The following BBS9 variants were observed in gnomAD, a reference collection of about 807,000 sequenced individuals.
BBS9 encodes Bardet-Biedl syndrome 9, also known as protein PTHB1.
BBS9 carries 89 observed loss-of-function variants against 117.7 expected under a neutral mutation model. That is an observed-to-expected ratio of 0.76 (90% CI 0.64 to 0.90). BBS9 has a LOEUF of 0.90. Among genes scored for constraint, BBS9 ranks in the 40% least tolerant of loss-of-function variants. The pLI, the probability that BBS9 is intolerant of heterozygous loss-of-function variation, is 0.00. For synonymous variants in BBS9, 379 were observed against 370.9 expected (o/e 1.02, Z -0.25); for missense variants, 982 against 1,042.2 (o/e 0.94, Z 0.80).
At chr7:33,626,396 A>G (rs1377839992) in intron 21 of BBS9, among the ~76,000 whole-genome samples, 1 of 152,234 alleles carries the variant, frequency 6.6e-6, no homozygotes, top group Non-Finnish European at 1.5e-5. Context: ...GGTACCAGGA[A>G]TGGGGCATTG....
intron 20 of BBS9, among the ~76,000 whole-genome samples, chr7:33,532,643 C>T (rs1028207711): frequency 1.3e-5 from 2 of 152,134 alleles, no homozygotes; most frequent in African/African-American, 2.4e-5. Flanking sequence ...GGGTCCCTCC[C>T]ATGACACGTG....
At chr7:33,515,639 C>T (rs1157195998) in intron 20 of BBS9, among the ~76,000 whole-genome samples, 2 of 152,208 alleles carry the variant, frequency 1.3e-5, no homozygotes, top group Non-Finnish European at 2.9e-5. Flanking sequence ...CTACATGATA[C>T]ATTAATTAAT....
At chr7:33,400,089 A>G (rs1393625109) in intron 19 of BBS9, among the ~76,000 whole-genome samples, 1 of 152,120 alleles carries the variant, frequency 6.6e-6, no homozygotes, top group African/African-American at 2.4e-5. Flanking sequence ...GCTGTATTGT[A>G]AATTTAATAT....
intron 19 of BBS9, among the ~76,000 whole-genome samples, chr7:33,438,003 T>C (rs1202363551): frequency 6.6e-6 from 1 of 152,180 alleles, no homozygotes; most frequent in Non-Finnish European, 1.5e-5. Context: ...ACACATAGGC[T>C]CTCTTTCGTA....
At chr7:33,586,495 C>T (rs1860915628) in intron 21 of BBS9, among the ~76,000 whole-genome samples, 1 of 152,000 alleles carries the variant, frequency 6.6e-6, no homozygotes, top group African/African-American at 2.4e-5. Flanking sequence ...GGAGATTTCT[C>T]AGAGAACTGA....
At chr7:33,237,460 AGTAAAGCCCATGGG>A in intron 5 of BBS9, among the ~76,000 whole-genome samples, 1 of 152,340 alleles carries the variant, frequency 6.6e-6, no homozygotes, top group Non-Finnish European at 1.5e-5. Flanking sequence ...ATGCCTTTAC[AGTAAAGCCCATGGG>A]TGTGTATCCT....
At chr7:33,580,980 A>G (rs945933845) in intron 21 of BBS9, among the ~76,000 whole-genome samples, 1 of 152,160 alleles carries the variant, frequency 6.6e-6, no homozygotes, top group South Asian at 2.1e-4. Context: ...GTAAGTATCC[A>G]TACCAAGCTG....
rs537839443 is a variant in BBS9 at position 33,514,237 on chromosome 7, C to A, written c.2298+8592C>A. Among the ~76,000 whole-genome samples the A allele has an allele frequency of 2.7e-4, 41 of 152,312 alleles. No individual in the cohort carries two copies. In the East Asian group the frequency reaches 7.5e-3, roughly 28 times the overall value. ...CTTATCTGTACGGTGGTGAACTAGA[C>A]TATTCCCCAAGGACTGGTTCTGCTT... On this transcript the variant is annotated intron_variant, in intron 20 of 22. Transcript: ENST00000242067.
chr7:33,614,564 A>G (rs1865040361), intron 21 of BBS9, among the ~76,000 whole-genome samples: 1 of 152,034 alleles, frequency 6.6e-6, no homozygotes, highest in South Asian at 2.1e-4. Flanking sequence ...GGAGAAAAAT[A>G]CAGGTGCATA....
At chr7:33,306,034 A>G (rs529215101) in intron 9 of BBS9, among the ~76,000 whole-genome samples, 36 of 151,440 alleles carry the variant, frequency 2.4e-4, no homozygotes, top group Non-Finnish European at 4.4e-4. Context: ...AGGCACTTAT[A>G]TTTTTGTTTT....
intron 5 of BBS9, among the ~76,000 whole-genome samples, chr7:33,216,426 C>A (rs971526289): frequency 6.6e-6 from 1 of 152,066 alleles, no homozygotes; most frequent in Non-Finnish European, 1.5e-5. Context: ...TGTGTCTGCA[C>A]AAAGAAAAGT....
intron 19 of BBS9, among the ~76,000 whole-genome samples, chr7:33,402,777 T>G (rs1829126772): frequency 6.6e-6 from 1 of 152,206 alleles, no homozygotes; most frequent in Non-Finnish European, 1.5e-5. Context: ...GTTTGGAGTA[T>G]GAATGAACCT....
chr7:33,600,125 A>C (rs1863568976), intron 21 of BBS9, among the ~76,000 whole-genome samples: 1 of 152,234 alleles, frequency 6.6e-6, no homozygotes, highest in Non-Finnish European at 1.5e-5. Flanking sequence ...AAGTTAGATC[A>C]TATCTAACTT....
intron 19 of BBS9, among the ~76,000 whole-genome samples, chr7:33,483,372 G>A (rs540474594): frequency 3.9e-5 from 6 of 152,026 alleles, no homozygotes; most frequent in East Asian, 1.9e-4. Flanking sequence ...CTTTTTTCAC[G>A]TGGCTCTGTT....
At chr7:33,508,267 A>G (rs1298540840) in intron 20 of BBS9, among the ~76,000 whole-genome samples, 2 of 152,236 alleles carry the variant, frequency 1.3e-5, no homozygotes, top group Non-Finnish European at 2.9e-5. Context: ...CTTTCCTTCT[A>G]TGTTATCATT....
chr7:33,561,539 G>A (rs1287530576), intron 21 of BBS9, among the ~76,000 whole-genome samples: 1 of 152,154 alleles, frequency 6.6e-6, no homozygotes, highest in Admixed American at 6.5e-5. Flanking sequence ...TTGGGACTCT[G>A]AGATGAGAAT....
At chr7:33,142,353 A>G (rs1018428984) in intron 1 of BBS9, among the ~76,000 whole-genome samples, 4 of 152,210 alleles carry the variant, frequency 2.6e-5, no homozygotes, top group Non-Finnish European at 5.9e-5. Flanking sequence ...GCTAACACTT[A>G]TTGAGTGCTT....
intron 19 of BBS9, among the ~76,000 whole-genome samples, chr7:33,392,860 G>GAGT (rs1197882350): frequency 1.3e-5 from 2 of 152,150 alleles, no homozygotes; most frequent in Non-Finnish European, 2.9e-5. Flanking sequence ...GGTTTGTCAA[G>GAGT]AGTTGTTTAA....
intron 5 of BBS9, among the ~76,000 whole-genome samples, chr7:33,199,725 A>G (rs1785528025): frequency 6.6e-6 from 1 of 151,918 alleles, no homozygotes; most frequent in Non-Finnish European, 1.5e-5. Flanking sequence ...CTCTTTAAAT[A>G]TGGTTCAATT....
Sources: gnomAD v4.1 joint callset for allele counts (sites outside exome capture counted in the v4.1 genomes callset) on GRCh38, gnomAD v4.1.1 for gene constraint, MANE v1.5 for transcripts, NCBI Gene and HGNC (gene_info 2026-07-23, HGNC 2026-07-21) for gene names.